Variants in NSMCE4A observed in about 807,000 individuals in gnomAD.
NSMCE4A encodes non-structural maintenance of chromosomes element 4 homolog A.
A neutral mutation model predicts 47.9 loss-of-function variants in NSMCE4A; 40 were observed. The observed-to-expected ratio is 0.83, with a 90% CI of 0.65 to 1.09. The LOEUF (loss-of-function observed/expected upper bound fraction) is 1.09. Among genes scored for constraint, NSMCE4A ranks in the 50% least tolerant of loss-of-function variants. The pLI is 0.00. For missense variants in NSMCE4A, 500 were observed against 507.0 expected, an observed-to-expected ratio of 0.99 and a Z score of 0.13; for synonymous variants, 166 against 178.5, an observed-to-expected ratio of 0.93 and a Z score of 0.56.
Position 121,961,490 on chromosome 10 carries a change from A to G in NSMCE4A, c.872T>C (p.Phe291Ser). The G allele has an allele frequency of 6.4e-7, 1 of 1,566,896 alleles. No homozygotes were observed. The highest frequency in any genetic ancestry group is 1.7e-4 in the Middle Eastern group (1 of 5,910). The change falls in exon 7 of 11, where the codon TTT becomes TCT. Residue 291 changes from phenylalanine (F) to serine (S), a missense_variant. Physicochemically the swap from Phe to Ser is radical, Grantham distance 155. Transcript: ENST00000369023. The stretch of plus-strand genomic sequence containing the variant: ...GGGGAAAGAATGAGGATCAACCACA[A>G]AGTCAAAGAAGGACATTGGGGTATC... ...DPDTPMSFFD[F>S]VVDPHSFPRT...
At chr10:121,973,738 G>A (rs944671364) in intron 2 of NSMCE4A, among the ~76,000 whole-genome samples, 4 of 152,228 alleles carry the variant, frequency 2.6e-5, no homozygotes, top group African/African-American at 9.6e-5. Flanking sequence ...GATAACACAT[G>A]TAACGTTCTC....
At chr10:121,974,782 G>C (rs1952785455) in intron 1 of NSMCE4A, 92 bp downstream of exon 1, 18 of 1,199,830 alleles carry the variant, frequency 1.5e-5, no homozygotes, top group Non-Finnish European at 1.9e-5. Context: ...GCCTCCGCCC[G>C]GCACCTGCCT....
rs1315660034 is a variant in NSMCE4A at position 121,963,329 on chromosome 10, C to G, written c.754-1G>C. 6.3e-7 allele frequency: 1 copy of G among 1,587,754 alleles called. No homozygotes were observed. The highest frequency in any genetic ancestry group is 1.1e-5 in the South Asian group (1 of 90,500). On this transcript the variant is annotated splice_acceptor_variant, in intron 5 of 10. Transcript: ENST00000369023. LOFTEE classifies it high-confidence loss of function. ...GATGAGATTCTTCCATTCTTCTTAA[C>G]TGAAAAAAGTCATTATCAAGCTGAC...
In NSMCE4A at chr10:121,959,207, A is replaced by G. The variant is rs1340482569; in HGVS notation, c.*12+117T>C. ...CTCACCTGTTACACACAGTTCTAAG[A>G]ATGGGGCACTACAGGGAGGCAAAAA... On this transcript the variant is annotated intron_variant, in intron 10 of 10. Transcript: ENST00000369023. 5.1e-6 allele frequency: 4 copies of G among 787,546 alleles called. No homozygotes were observed. The Admixed American group carries it at 5.5e-5, about 11-fold the overall frequency. The allele number at this position is 787,546 out of a possible 1,614,324, so 48.8% of individuals were successfully genotyped here.
chr10:121,959,705 T>C (rs1248378961), intron 8 of NSMCE4A, 110 bp from the exon 9 acceptor site: 1 of 700,860 alleles, frequency 1.4e-6, no homozygotes, highest in East Asian at 2.7e-5. Context: ...GAAAAGATAC[T>C]TATAATATTA....
In NSMCE4A at chr10:121,962,377, C is replaced by T. The variant is rs542911302; in HGVS notation, c.845-860G>A. ...GAGGTTGCAGTGAGCCAAGATCGCG[C>T]CACTGCACTCCAGCCTGGGCGACAG... On this transcript the variant is annotated intron_variant, in intron 6 of 10. Coordinates refer to ENST00000369023, the MANE Select transcript of NSMCE4A (RefSeq NM_017615.3). Among the ~76,000 whole-genome samples the T allele has an allele frequency of 2.7e-5, 4 of 150,908 alleles. No homozygotes were observed. In the South Asian group the frequency reaches 8.4e-4, roughly 32 times the overall value.
chr10:121,975,087 G>C lies in NSMCE4A; in HGVS notation c.79C>G (p.Arg27Gly), dbSNP rs539168175. Reference sequence around the variant, plus strand: ...GACAAAGGGGACCGCGAGCGGGAGCGGGAGCGGGTGCGATCCCGATGCGGG... The same window carrying C: ...GACAAAGGGGACCGCGAGCGGGAGCCGGAGCGGGTGCGATCCCGATGCGGG... ...RDPHRDRTRS[R>G]SRSRSPLSPR... Residue 27 changes from arginine to glycine, a missense_variant, in exon 1 of 11, where the codon CGC becomes GGC. Coordinates refer to ENST00000369023, the MANE Select transcript of NSMCE4A (RefSeq NM_017615.3). 1 of 1,442,650 alleles carries C rather than the reference G, an allele frequency of 6.9e-7. No homozygotes were observed. The highest frequency in any genetic ancestry group is 9.0e-7 in the Non-Finnish European group (1 of 1,108,800). The allele number at this position is 1,442,650 out of a possible 1,614,324, so 89.4% of individuals were successfully genotyped here.
Position 121,974,917 on chromosome 10 carries a change from G to A in NSMCE4A, c.249C>T (p.Arg83=). The change falls in exon 1 of 11, where the codon CGC becomes CGT. Residue 83 remains arginine, a synonymous_variant. Coordinates refer to ENST00000369023, the MANE Select transcript of NSMCE4A (RefSeq NM_017615.3). ...GCGCCCGGTACTGATGGCGGATCTG[G>A]CGGCACAGGCCTTGGTCGGCCTCCG... ...LEAEADQGLC[R]QIRHQYRALI... 1 of 1,530,166 alleles carries A rather than the reference G, an allele frequency of 6.5e-7. No homozygotes were observed. Among genetic ancestry groups the A allele is most frequent in the South Asian group, 1.2e-5 (1 of 81,816 alleles). The allele number at this position is 1,530,166 out of a possible 1,614,324, so 94.8% of individuals were successfully genotyped here.
At chr10:121,964,600 C>T (rs929298251) in intron 5 of NSMCE4A, among the ~76,000 whole-genome samples, 2 of 152,010 alleles carry the variant, frequency 1.3e-5, no homozygotes, top group Non-Finnish European at 1.5e-5. Context: ...TGCCACCATA[C>T]CTAGCTAATT....
intron 4 of NSMCE4A, chr10:121,966,707 A>C (rs1952613347): frequency 7.1e-6 from 1 of 140,906 alleles, no homozygotes; most frequent in Non-Finnish European, 1.7e-5. Context: ...TATACCACTT[A>C]AAGAAGGACT....
intron 5 of NSMCE4A, 134 bp from the exon 6 acceptor site, chr10:121,963,462 G>A: frequency 1.7e-6 from 1 of 597,382 alleles, no homozygotes; most frequent in Non-Finnish European, 2.9e-6. Flanking sequence ...ACAGGGTCTT[G>A]CTTTGCCACC....
intron 3 of NSMCE4A, among the ~76,000 whole-genome samples, chr10:121,970,591 G>A (rs1192093661): frequency 6.6e-6 from 1 of 151,870 alleles, no homozygotes; most frequent in African/African-American, 2.4e-5. Flanking sequence ...TTCCAGCTGA[G>A]CTCTGCCATC....
intron 6 of NSMCE4A, 135 bp downstream of exon 6, chr10:121,963,103 G>A (rs561069376): frequency 1.0e-4 from 45 of 430,070 alleles, no homozygotes; most frequent in Non-Finnish European, 1.5e-4. Context: ...AATTTCTAAA[G>A]GGGAGAAGAA....
chr10:121,966,898 T>G (rs1952617018), intron 4 of NSMCE4A: 1 of 152,156 alleles, frequency 6.6e-6, no homozygotes, highest in Non-Finnish European at 1.5e-5. Context: ...AAATCAGAGT[T>G]CTATCTAAAA....
Position 121,970,941 on chromosome 10 carries a change from G to C in NSMCE4A, c.499C>G (p.Leu167Val). 6.2e-7 allele frequency: 1 copy of C among 1,606,516 alleles called. No homozygotes were observed. The highest frequency in any genetic ancestry group is 8.5e-7 in the Non-Finnish European group (1 of 1,176,366). The change falls in exon 3 of 11, where the codon CTA (leucine) becomes GTA (valine). Residue 167 changes from leucine to valine, a missense_variant and splice_region_variant. Leu to Val is a conservative substitution (Grantham distance 32). Transcript: ENST00000369023. ...AGAGTCTGTAGCTTTGAACTTACTA[G>C]AGTTTCAACATATCTTAACATGTCA... ...SFDMLRYVET[L>V]LTHMGVNPLE...
At chr10:121,971,170 T>TAAAAA (rs58195348) in intron 2 of NSMCE4A, 101 bp from the exon 3 acceptor site, 21 of 672,010 alleles carry the variant, frequency 3.1e-5, no homozygotes, top group Non-Finnish European at 4.5e-5. Context: ...CCCACTGGAC[T>TAAAAA]AAAAAAAAAA....
intron 4 of NSMCE4A, chr10:121,967,183 A>G (rs573788190): frequency 6.5e-6 from 1 of 153,056 alleles, no homozygotes; most frequent in African/African-American, 2.4e-5. Flanking sequence ...GGTTCCATCC[A>G]CATCTAGAGT....
At chr10:121,965,649 G>A (rs753311689) in intron 4 of NSMCE4A, 2 of 359,670 alleles carry the variant, frequency 5.6e-6, no homozygotes, top group Non-Finnish European at 9.9e-6. Context: ...AAGTAGGCCA[G>A]TGAATATGCC....
At chr10:121,966,956 A>G (rs1015621120) in intron 4 of NSMCE4A, 1 of 152,228 alleles carries the variant, frequency 6.6e-6, no homozygotes, top group Admixed American at 6.5e-5. Flanking sequence ...CTTCAAATAC[A>G]AGTCAGTGGT....
Sources: allele counts gnomAD v4.1 joint callset (sites outside exome capture counted in the v4.1 genomes callset), GRCh38; gene constraint gnomAD v4.1.1; transcripts MANE v1.5; gene names NCBI Gene and HGNC (gene_info 2026-07-23, HGNC 2026-07-21).